Variants in VOPP1 observed in about 807,000 individuals in gnomAD.
The protein encoded by VOPP1 is VOPP1 WW domain binding protein, also known as WW domain binding protein VOPP1.
In VOPP1, 8 loss-of-function variants were observed where a neutral mutation model predicts 23.5. That is an observed-to-expected ratio of 0.34 (90% confidence interval 0.20 to 0.61). The LOEUF is 0.61. VOPP1 is among the 20% of genes least tolerant of loss of function. The pLI is 0.78. For missense variants in VOPP1, 174 were observed against 238.1 expected (o/e 0.73, Z 1.77); for synonymous variants, 83 against 97.3 (o/e 0.85, Z 0.86).
intron 4 of VOPP1, among the ~76,000 whole-genome samples, chr7:55,441,831 G>A (rs1790973152): frequency 2.0e-5 from 3 of 152,148 alleles, no homozygotes; most frequent in African/African-American, 7.2e-5. Context: ...AGATGAAGCA[G>A]CTTCAGCACA....
chr7:55,544,982 G>A (rs996108957), intron 1 of VOPP1, among the ~76,000 whole-genome samples: 3 of 152,164 alleles, frequency 2.0e-5, no homozygotes, highest in Non-Finnish European at 4.4e-5. Flanking sequence ...GAGGATAGAG[G>A]AAGAGAGATT....
At chr7:55,525,039 C>T (rs1796087708) in intron 1 of VOPP1, among the ~76,000 whole-genome samples, 1 of 152,076 alleles carries the variant, frequency 6.6e-6, no homozygotes, top group African/African-American at 2.4e-5. Context: ...AAAGAAGGCC[C>T]CGTGCTGGGT....
At chr7:55,452,836 C>T (rs1248799341) in intron 4 of VOPP1, among the ~76,000 whole-genome samples, 2 of 152,154 alleles carry the variant, frequency 1.3e-5, no homozygotes, top group African/African-American at 4.8e-5. Context: ...AGGATAAAGG[C>T]AGAGTAGATT....
rs1383561424 is a variant in VOPP1, at chr7:55,498,982, G to C, written c.114-1292C>G. Among the ~76,000 whole-genome samples the C allele has an allele frequency of 5.9e-5, 9 of 151,966 alleles. 1 individual carries two copies. The highest frequency in any genetic ancestry group is 1.0e-4 in the Non-Finnish European group (7 of 67,988). ...GTTTCAAGGACAAACTGGGCTGAGA[G>C]ACACTCCCTCCCCACTCCACCCCCA... On this transcript the variant is annotated intron_variant, in intron 2 of 4. Transcript: ENST00000285279.
rs542126465 is a variant in VOPP1, at chr7:55,522,514, T to C, written c.55-1384A>G. Among the ~76,000 whole-genome samples, 9 of 152,324 alleles carry C rather than the reference T, an allele frequency of 5.9e-5. 1 individual carries two copies. Among genetic ancestry groups the C allele is most frequent in the African/African-American group, 1.9e-4 (8 of 41,572 alleles). On this transcript the variant is annotated intron_variant, in intron 1 of 4. Coordinates refer to ENST00000285279, the MANE Select transcript of VOPP1 (RefSeq NM_030796.5). ...TTCAGGTCTCTGCCCCAAATTATAA[T>C]TCATTTCACTAGAGTCTTCTGTGAT...
chr7:55,504,891 CA>C (rs909522706), intron 2 of VOPP1, among the ~76,000 whole-genome samples: 5 of 152,236 alleles, frequency 3.3e-5, no homozygotes, highest in Admixed American at 1.3e-4. Flanking sequence ...AACTGTGACA[CA>C]GCCAAATCCT....
intron 1 of VOPP1, among the ~76,000 whole-genome samples, chr7:55,568,300 C>T (rs998683625): frequency 1.3e-5 from 2 of 152,048 alleles, no homozygotes; most frequent in East Asian, 1.9e-4. Context: ...AGGATGGTCT[C>T]GATCTCCTGA....
chr7:55,467,289 C>G (rs535080000), downstream of VOPP1, among the ~76,000 whole-genome samples: 1 of 152,242 alleles, frequency 6.6e-6, no homozygotes, highest in African/African-American at 2.4e-5. Flanking sequence ...ATTCCTGCAG[C>G]CAGCTGCTCT....
chr7:55,472,815 A>C lies in VOPP1; in HGVS notation c.*40T>G. On this transcript the variant is annotated 3_prime_UTR_variant, in exon 5 of 5. Transcript: ENST00000285279. ...CAACGAAGACAGAAAGGCCAGGGAAAGGCCCTCTCCTGTCTCTCCTCTTGC... is the reference window on the plus strand; with the variant it reads ...CAACGAAGACAGAAAGGCCAGGGAACGGCCCTCTCCTGTCTCTCCTCTTGC... The C allele has an allele frequency of 5.2e-6, 5 of 961,928 alleles. No homozygotes were observed. Among genetic ancestry groups the C allele is most frequent in the Non-Finnish European group, 7.2e-6 (5 of 696,056 alleles). The allele number at this position is 961,928 out of a possible 1,614,324, so 59.6% of individuals were successfully genotyped here. A position where few individuals can be genotyped will look rare whatever the true frequency, so the allele number is the denominator to read the frequency against.
chr7:55,521,024 G>A (rs1426112514), intron 2 of VOPP1, 48 bp downstream of exon 2: 4 of 1,536,934 alleles, frequency 2.6e-6, no homozygotes, highest in Admixed American at 2.0e-5. Flanking sequence ...AATTCCCAGA[G>A]AAAGGTATGG....
chr7:55,526,619 A>G (rs540352160), intron 1 of VOPP1: 2 of 152,364 alleles, frequency 1.3e-5, no homozygotes, highest in East Asian at 3.9e-4. Flanking sequence ...CATGGATTTT[A>G]CCTAAATTCC....
intron 1 of VOPP1, chr7:55,538,624 C>T (rs1351896413): frequency 6.5e-7 from 1 of 1,535,840 alleles, no homozygotes; most frequent in Admixed American, 2.0e-5. Context: ...TGCAAGAGCA[C>T]AGAAGACAGA....
At chr7:55,527,513 G>A (rs900790760) in intron 1 of VOPP1, among the ~76,000 whole-genome samples, 4 of 152,210 alleles carry the variant, frequency 2.6e-5, no homozygotes, top group Non-Finnish European at 5.9e-5. Context: ...CAGATCCCCA[G>A]GGAAATTCTG....
At position 55,572,259 on chromosome 7, in the gene VOPP1, C is replaced by T; in HGVS notation, c.54+12G>A. The T allele has an allele frequency of 2.0e-6, 3 of 1,523,396 alleles. No homozygotes were observed. The highest frequency in any genetic ancestry group is 2.4e-5 in the South Asian group (2 of 82,468). The allele number at this position is 1,523,396 out of a possible 1,614,324, so 94.4% of individuals were successfully genotyped here. On this transcript the variant is annotated intron_variant, in intron 1 of 4. Transcript: ENST00000285279. ...GCCGCGCCTCCGGCAGCACCCGGTC[C>T]CCGGCCCCTACCTCCAAGAGCAGCC...
chr7:55,552,506 G>C (rs1797650456), intron 1 of VOPP1: 1 of 1,317,962 alleles, frequency 7.6e-7, no homozygotes, highest in Non-Finnish European at 1.0e-6. Flanking sequence ...CACACAGGAT[G>C]GATCTCCATG....
intron 1 of VOPP1, among the ~76,000 whole-genome samples, chr7:55,564,358 G>A (rs1439302817): frequency 6.0e-5 from 9 of 150,888 alleles, no homozygotes. Flanking sequence ...CCATGTTTTG[G>A]CCCTTGATGA....
chr7:55,483,319 G>A (rs1792879458), intron 4 of VOPP1, among the ~76,000 whole-genome samples: 1 of 152,148 alleles, frequency 6.6e-6, no homozygotes, highest in South Asian at 2.1e-4. Context: ...ATGTCTTCAG[G>A]CTGTAATTTG....
At position 55,529,853 on chromosome 7, in the gene VOPP1, C is replaced by T. The variant is rs80296571; in HGVS notation, c.55-8723G>A. On this transcript the variant is annotated intron_variant, in intron 1 of 4. Transcript: ENST00000285279. ...AAATCATACAACTTACAGTCTCTTA[C>T]GTCTGGATTGTATGTTGCTGCATAT... Among the ~76,000 whole-genome samples the T allele has an allele frequency of 4.6e-5, 7 of 152,326 alleles. No individual in the cohort carries two copies. In the East Asian group the frequency reaches 1.2e-3, roughly 25 times the overall value.
chr7:55,438,612 G>A (rs1475840862), intron 4 of VOPP1, among the ~76,000 whole-genome samples: 1 of 152,188 alleles, frequency 6.6e-6, no homozygotes, highest in Non-Finnish European at 1.5e-5. Flanking sequence ...CAAAGGCCCC[G>A]GGGAAGCACT....
Sources: allele counts gnomAD v4.1 joint callset (sites outside exome capture counted in the v4.1 genomes callset), GRCh38; gene constraint gnomAD v4.1.1; transcripts MANE v1.5; gene names NCBI Gene and HGNC (gene_info 2026-07-23, HGNC 2026-07-21).